PCCA: variants seen among roughly 807,000 people sequenced by gnomAD.
PCCA encodes the protein propionyl-CoA carboxylase alpha chain, mitochondrial.
A neutral mutation model predicts 101.3 loss-of-function variants in PCCA; 74 were observed. That is an observed-to-expected ratio of 0.73 (90% confidence interval 0.61 to 0.89). The LOEUF (loss-of-function observed/expected upper bound fraction) is 0.89. Ranked by LOEUF, PCCA falls within the 40% of genes least tolerant of loss-of-function variation. The pLI, the probability that PCCA is intolerant of heterozygous loss-of-function variation, is 0.00. For missense variants in PCCA, 891 were observed against 907.0 expected (o/e 0.98, Z 0.23); for synonymous variants, 294 against 313.6 (o/e 0.94, Z 0.66).
At chr13:100,334,595 A>T (rs146487350) in intron 17 of PCCA, among the ~76,000 whole-genome samples, 22 of 152,324 alleles carry the variant, frequency 1.4e-4, no homozygotes, top group African/African-American at 4.8e-4. Flanking sequence ...GAGGAGAAAG[A>T]CTTAATGAAC....
intron 4 of PCCA, among the ~76,000 whole-genome samples, chr13:100,131,216 G>A (rs916779703): frequency 6.6e-6 from 1 of 152,108 alleles, no homozygotes; most frequent in African/African-American, 2.4e-5. Context: ...AAGCTTGTTC[G>A]GTTCAGATTG....
intron 22 of PCCA, among the ~76,000 whole-genome samples, chr13:100,519,324 T>C (rs773212911): frequency 9.9e-5 from 15 of 152,256 alleles, no homozygotes; most frequent in Admixed American, 2.0e-4. Flanking sequence ...TCTTGCGAAT[T>C]AGCCCATTCG....
At chr13:100,363,844 T>A (rs927635220) in intron 18 of PCCA, among the ~76,000 whole-genome samples, 3 of 152,194 alleles carry the variant, frequency 2.0e-5, no homozygotes, top group African/African-American at 7.2e-5. Context: ...AGCAAATGAC[T>A]TGTAATAGCA....
chr13:100,280,744 G>A (rs2064038741), intron 12 of PCCA, among the ~76,000 whole-genome samples: 1 of 152,048 alleles, frequency 6.6e-6, no homozygotes, highest in South Asian at 2.1e-4. Flanking sequence ...TATATTAAAT[G>A]GAAAACTTTA....
intron 12 of PCCA, among the ~76,000 whole-genome samples, chr13:100,285,185 G>A (rs888517876): frequency 9.9e-5 from 15 of 152,252 alleles, no homozygotes; most frequent in Admixed American, 2.0e-4. Flanking sequence ...GGCTTTGGCC[G>A]ACTATGGATC....
At chr13:100,291,858 AGTCT>A (rs2065149892) in intron 12 of PCCA, among the ~76,000 whole-genome samples, 1 of 152,230 alleles carries the variant, frequency 6.6e-6, no homozygotes. Context: ...TTTGCAAGCC[AGTCT>A]GTCTCCATGA....
intron 1 of PCCA, among the ~76,000 whole-genome samples, chr13:100,090,590 T>A (rs1342738889): frequency 6.6e-6 from 1 of 152,194 alleles, no homozygotes; most frequent in East Asian, 1.9e-4. Context: ...ATGAATATGG[T>A]TTCTGCTTTC....
At chr13:100,289,882 C>T (rs2064994857) in intron 12 of PCCA, among the ~76,000 whole-genome samples, 1 of 152,016 alleles carries the variant, frequency 6.6e-6, no homozygotes, top group Non-Finnish European at 1.5e-5. Flanking sequence ...GCTATATCTT[C>T]AGCTTTCTTT....
Position 100,340,175 on chromosome 13 carries a change from G to A in PCCA, c.1559G>A (p.Ser520Asn). The change falls in exon 18 of 24, where the codon AGT becomes AAT. Residue 520 changes from serine (S) to asparagine (N), a missense_variant. By Grantham distance (46) the Ser-to-Asn change is conservative (BLOSUM62 1). Coordinates refer to ENST00000376285, the MANE Select transcript of PCCA (RefSeq NM_000282.4). Reference protein sequence around the residue: ...DGFKGHMLTKSEKNQLLAIAS... With the variant: ...DGFKGHMLTKNEKNQLLAIAS... ...CCCTCAGGACACATGCTAACCAAGA[G>A]TGAGAAGAACCAGTTATTGGCAATA... is the stretch of plus-strand genomic sequence containing the variant. 6.3e-7 allele frequency: 1 copy of A among 1,599,250 alleles called. No individual in the cohort carries two copies. The highest frequency in any genetic ancestry group is 8.6e-7 in the Non-Finnish European group (1 of 1,166,394).
chr13:100,400,625 TAG>T (rs1491223025), intron 19 of PCCA, among the ~76,000 whole-genome samples: 27,113 of 114,992 alleles, frequency 0.24, 4,950 homozygotes, highest in East Asian at 0.44. Context: ...TAGTTCTTTT[TAG>T]TTCTTTTTTT....
chr13:100,451,653 A>C (rs1392859231), intron 21 of PCCA, among the ~76,000 whole-genome samples: 1 of 150,352 alleles, frequency 6.7e-6, no homozygotes, highest in Non-Finnish European at 1.5e-5. Flanking sequence ...TGGCAACTTG[A>C]ACTAATCCTT....
chr13:100,285,434 G>A (rs879631583), intron 12 of PCCA, among the ~76,000 whole-genome samples: 1 of 152,170 alleles, frequency 6.6e-6, no homozygotes, highest in Non-Finnish European at 1.5e-5. Context: ...ACCACCAGTG[G>A]CATACCTAAG....
intron 11 of PCCA, 35 bp downstream of exon 11, chr13:100,268,818 C>A: frequency 7.2e-7 from 1 of 1,384,958 alleles, no homozygotes; most frequent in Non-Finnish European, 1.0e-6. Flanking sequence ...AAAGCGGCTG[C>A]TTTTATGCAT....
rs2087933457 is a variant in PCCA, at chr13:100,527,406, T to A, written c.2041-269T>A. ...TTAGTGGCAGAGCCAGACTCAGAGA[T>A]CCCCAGGGTAGGCCCCGCCGCCAGG... On this transcript the variant is annotated intron_variant, in intron 22 of 23. Coordinates refer to ENST00000376285, the MANE Select transcript of PCCA (RefSeq NM_000282.4). 1.5e-5 allele frequency: 8 copies of A among 547,578 alleles called. No homozygotes were observed. In the Admixed American group the frequency reaches 1.8e-4, roughly 12 times the overall value. 33.9% of individuals were successfully genotyped at this position (547,578 alleles called of 1,614,324 possible). A position where few individuals can be genotyped will look rare whatever the true frequency, so the allele number is the denominator to read the frequency against.
chr13:100,372,788 A>G (rs537978156), intron 19 of PCCA, among the ~76,000 whole-genome samples: 1 of 152,298 alleles, frequency 6.6e-6, no homozygotes, highest in South Asian at 2.1e-4. Context: ...CACCCAGGCT[A>G]AAGTGCAGTG....
intron 4 of PCCA, among the ~76,000 whole-genome samples, chr13:100,138,256 C>T (rs1205215150): frequency 6.6e-6 from 1 of 151,720 alleles, no homozygotes. Context: ...ATGACTATCT[C>T]GTGTAGTTTT....
intron 7 of PCCA, among the ~76,000 whole-genome samples, chr13:100,230,272 G>A (rs898946338): frequency 2.0e-5 from 3 of 152,048 alleles, no homozygotes; most frequent in South Asian, 2.1e-4. Context: ...GGCTGGGCGC[G>A]GTGGCTCATG....
chr13:100,368,376 A>T, intron 18 of PCCA, 96 bp from the exon 19 acceptor site: 1 of 703,042 alleles, frequency 1.4e-6, no homozygotes, highest in South Asian at 1.7e-5. Flanking sequence ...ATTCAATGGC[A>T]GTTTTAGCCT....
At chr13:100,422,805 A>T (rs568367088) in intron 19 of PCCA, among the ~76,000 whole-genome samples, 1 of 148,100 alleles carries the variant, frequency 6.8e-6, no homozygotes, top group African/African-American at 2.5e-5. Flanking sequence ...CTTGACTTTC[A>T]TTTCCTTCTG....
Sources: gnomAD v4.1 joint callset for allele counts (sites outside exome capture counted in the v4.1 genomes callset) on GRCh38, gnomAD v4.1.1 for gene constraint, MANE v1.5 for transcripts, NCBI Gene and HGNC (gene_info 2026-07-23, HGNC 2026-07-21) for gene names.